HGFAC: variants seen among roughly 807,000 people sequenced by gnomAD.
The protein encoded by HGFAC is HGF activator.
A neutral mutation model predicts 70.6 loss-of-function variants in HGFAC; 76 were observed. The ratio of observed to expected loss-of-function variants is 1.08; its 90% CI spans 0.89 to 1.30. HGFAC has a LOEUF of 1.30. Ranked by LOEUF, HGFAC falls within the 50% of genes most tolerant of loss-of-function variation. HGFAC has a pLI of 0.00. For missense variants in HGFAC, 1,044 were observed against 933.7 expected (o/e 1.12, Z -1.54); for synonymous variants, 464 against 405.3 (o/e 1.14, Z -1.74).
In HGFAC at chr4:3,444,406, G is replaced by A. The variant is rs751117077; in HGVS notation, c.694G>A (p.Gly232Arg). 3.7e-6 allele frequency: 6 copies of A among 1,603,356 alleles called. No individual in the cohort carries two copies. Among genetic ancestry groups the A allele is most frequent in the African/African-American group, 2.7e-5 (2 of 74,820 alleles). The change falls in exon 6 of 14, where the codon GGG (glycine) becomes AGG (arginine). Residue 232 changes from glycine (G) to arginine (R), a missense_variant. Transcript: ENST00000382774. The stretch of plus-strand genomic sequence containing the variant: ...CCACGTGGAACAGTGCGAGTGCTTC[G>A]GGGGCCGGACCTGGTGCGAAGGCAC... ...QGHVEQCECF[G>R]GRTWCEGTRH...
At chr4:3,446,691 T>G (rs1005749183) in intron 10 of HGFAC, among the ~76,000 whole-genome samples, 28 of 152,180 alleles carry the variant, frequency 1.8e-4, no homozygotes, top group East Asian at 3.9e-4. Flanking sequence ...CCAGGGAAAC[T>G]GAGGCCCAGC....
In HGFAC at chr4:3,448,052, G is replaced by C; in HGVS notation, c.1636+17G>C. ...TGGATGAGAGTGAGTTGGGAGGGGG[G>C]CGCCCAGCGCCCCGCCAGGGTGGAC... On this transcript the variant is annotated intron_variant, in intron 12 of 13. Transcript: ENST00000382774. 6.4e-7 allele frequency: 1 copy of C among 1,553,412 alleles called. No homozygotes were observed. The highest frequency in any genetic ancestry group is 8.7e-7 in the Non-Finnish European group (1 of 1,149,492).
chr4:3,445,131 C>A, intron 8 of HGFAC, 134 bp from the exon 9 acceptor site: 2 of 1,305,238 alleles, frequency 1.5e-6, no homozygotes, highest in Non-Finnish European at 2.1e-6. Flanking sequence ...TGGGAGGCTG[C>A]CCGAGGGAGG....
At chr4:3,447,261 A>C (rs541876280) in intron 10 of HGFAC, among the ~76,000 whole-genome samples, 1 of 152,230 alleles carries the variant, frequency 6.6e-6, no homozygotes, top group Non-Finnish European at 1.5e-5. Context: ...GAGGGATGGC[A>C]CCGCACTTCA....
chr4:3,442,788 C>T lies in HGFAC; in HGVS notation c.174C>T (p.Ile58=). Residue 58 remains isoleucine (I), a synonymous_variant, in exon 2 of 14, where the codon ATC becomes ATT. Coordinates refer to ENST00000382774, the MANE Select transcript of HGFAC (RefSeq NM_001528.4). ...CAGCGACCCCTGCGATCCCCACTATCCTGGTGACCTCTGTGACCTCTGAGA... is the reference window on the plus strand; with the variant it reads ...CAGCGACCCCTGCGATCCCCACTATTCTGGTGACCTCTGTGACCTCTGAGA... The part of the protein sequence containing the change: ...NATATPAIPT[I]LVTSVTSETP... 1.3e-6 allele frequency: 2 copies of T among 1,578,204 alleles called. No homozygotes were observed. Among genetic ancestry groups the T allele is most frequent in the East Asian group, 2.3e-5 (1 of 44,430 alleles).
At chr4:3,445,637 G>A (rs1221382583) in intron 9 of HGFAC, 1 of 602,852 alleles carries the variant, frequency 1.7e-6, no homozygotes, top group Admixed American at 2.9e-5. Context: ...TCAGGGAGGT[G>A]CAGGGAGGGC....
At chr4:3,444,549 T>C (rs894554126) in intron 6 of HGFAC, 74 bp from the exon 7 acceptor site, 13 of 1,504,504 alleles carry the variant, frequency 8.6e-6, no homozygotes, top group Non-Finnish European at 1.1e-5. Flanking sequence ...GGACAAGGGG[T>C]GGACCCCGGC....
At chr4:3,446,335 C>T in intron 10 of HGFAC, 41 bp downstream of exon 10, 1 of 1,583,132 alleles carries the variant, frequency 6.3e-7, no homozygotes, top group Non-Finnish European at 8.6e-7. Flanking sequence ...CCTGAGGCCC[C>T]ACACACCATC....
Position 3,449,261 on chromosome 4 carries a change from T to C in HGFAC, c.1810T>C (p.Cys604Arg), listed in dbSNP as rs1226927880. The C allele has an allele frequency of 2.5e-6, 4 of 1,612,168 alleles. No individual in the cohort carries two copies. Among genetic ancestry groups the C allele is most frequent in the Non-Finnish European group, 3.4e-6 (4 of 1,179,596 alleles). ...GGGGGACTCAGGGGGGCCCCTGGCCTGCGAGAAGAACGGCGTGGCTTACCT... is the reference window on the plus strand; with the variant it reads ...GGGGGACTCAGGGGGGCCCCTGGCCCGCGAGAAGAACGGCGTGGCTTACCT... ...CQGDSGGPLACEKNGVAYLYG... is the reference protein window; with the variant it reads ...CQGDSGGPLAREKNGVAYLYG... Residue 604 changes from cysteine (C) to arginine (R), a missense_variant, in exon 14 of 14, where the codon TGC becomes CGC. Coordinates refer to ENST00000382774, the MANE Select transcript of HGFAC (RefSeq NM_001528.4).
intron 13 of HGFAC, among the ~76,000 whole-genome samples, 159 bp from the exon 14 acceptor site, chr4:3,449,078 C>T (rs1360427608): frequency 6.6e-6 from 1 of 152,118 alleles, no homozygotes; most frequent in East Asian, 1.9e-4. Flanking sequence ...AGTGCTGCCC[C>T]CAGGGAATGA....
At chr4:3,442,223 G>A in intron 1 of HGFAC, 105 bp downstream of exon 1, 1 of 843,892 alleles carries the variant, frequency 1.2e-6, no homozygotes, top group Admixed American at 2.9e-5. Context: ...GGGGATTTGA[G>A]GGGGCGGGGG....
chr4:3,444,214 G>T (rs1042531466), intron 5 of HGFAC, 53 bp downstream of exon 5: 9 of 1,568,102 alleles, frequency 5.7e-6, no homozygotes, highest in Non-Finnish European at 6.0e-6. Context: ...GCAAGTCCCC[G>T]GAGGATGGGA....
At position 3,443,110 on chromosome 4, in the gene HGFAC, A is replaced by T. The variant is rs760160398; in HGVS notation, c.359A>T (p.His120Leu). 1 of 1,591,126 alleles carries T rather than the reference A, an allele frequency of 6.3e-7. No homozygotes were observed. Among genetic ancestry groups the T allele is most frequent in the Non-Finnish European group, 8.5e-7 (1 of 1,174,490 alleles). Residue 120 changes from histidine to leucine, a missense_variant, in exon 3 of 14, where the codon CAT becomes CTT. Physicochemically the swap from His to Leu is moderately conservative, Grantham distance 99. Transcript: ENST00000382774. The stretch of plus-strand genomic sequence containing the variant: ...TTCCGCTACGGGGGCCGCATGCTGC[A>T]TGCCTGCACTTCGGAGGGCAGTGCA... ...FPFRYGGRMLHACTSEGSAHR... is the reference protein window; with the variant it reads ...FPFRYGGRMLLACTSEGSAHR...
chr4:3,449,318 G>A lies in HGFAC; in HGVS notation c.1867G>A (p.Gly623Arg), dbSNP rs375925462. The change falls in exon 14 of 14, where the codon GGG becomes AGG. Residue 623 changes from glycine to arginine, a missense_variant. Transcript: ENST00000382774. ...CATCATCAGCTGGGGTGACGGCTGC[G>A]GGCGGCTCCACAAGCCGGGGGTCTA... ...YGIISWGDGCGRLHKPGVYTR... is the reference protein window; with the variant it reads ...YGIISWGDGCRRLHKPGVYTR... 69 of 1,612,016 alleles carry A rather than the reference G, an allele frequency of 4.3e-5. No homozygotes were observed. Among genetic ancestry groups the A allele is most frequent in the East Asian group, 1.6e-4 (7 of 44,808 alleles).
At chr4:3,445,656 G>C (rs2109298775) in intron 9 of HGFAC, 1 of 604,558 alleles carries the variant, frequency 1.7e-6, no homozygotes, top group East Asian at 2.8e-5. Context: ...GCAGCGTGCA[G>C]GCCCCCCAGA....
upstream of HGFAC, chr4:3,441,849 G>A: frequency 1.9e-6 from 1 of 521,290 alleles, no homozygotes; most frequent in Non-Finnish European, 3.3e-6. This position sits in a 1 kb window ranked among gnomAD's most constrained non-coding sequence, Gnocchi z 6.0. Context: ...GGCAGCAGGT[G>A]TGGGGGCCAG....
Position 3,442,858 on chromosome 4 carries a change from G to A in HGFAC, c.244G>A (p.Gly82Arg). 1.3e-6 allele frequency: 2 copies of A among 1,578,468 alleles called. No individual in the cohort carries two copies. The highest frequency in any genetic ancestry group is 1.7e-6 in the Non-Finnish European group (2 of 1,165,554). Reference protein sequence around the residue: ...APEAEGPQSGGLPPPPRAVPS... With the variant: ...APEAEGPQSGRLPPPPRAVPS... ...AGAGGCAGAGGGACCCCAAAGTGGG[G>A]GGCTCCCGCCCCCGCCCAGGGCAGT... Residue 82 changes from glycine (G) to arginine (R), a missense_variant, in exon 2 of 14, where the codon GGG (glycine) becomes AGG (arginine). Gly to Arg is a moderately radical substitution (Grantham distance 125, BLOSUM62 -2). Coordinates refer to ENST00000382774, the MANE Select transcript of HGFAC (RefSeq NM_001528.4).
rs373478970 is a variant in HGFAC at position 3,444,992 on chromosome 4, C to G, written c.1015C>G (p.Arg339Gly). Residue 339 changes from arginine to glycine, a missense_variant and splice_region_variant, in exon 8 of 14, where the codon CGG becomes GGG. Coordinates refer to ENST00000382774, the MANE Select transcript of HGFAC (RefSeq NM_001528.4). ...LLGLGPHAYCRNPDNDERPWC... is the reference protein window; with the variant it reads ...LLGLGPHAYCGNPDNDERPWC... ...GGGCCTGGGCCCCCATGCCTACTGC[C>G]GGTCAGCACCACGCCGCTCCAGGCC... is the stretch of plus-strand genomic sequence containing the variant. 7 of 1,581,416 alleles carry G rather than the reference C, an allele frequency of 4.4e-6. No homozygotes were observed. The highest frequency in any genetic ancestry group is 1.2e-5 in the South Asian group (1 of 86,382).
rs750377967 is a variant in HGFAC, at chr4:3,441,979, C to A, written c.-23C>A. The stretch of plus-strand genomic sequence containing the variant: ...GCCGCTCTGCTCCCGCCTCCCACTG[C>A]CCCTCAGGCCAGCTCAGGAGCCATG... On this transcript the variant is annotated 5_prime_UTR_variant, in exon 1 of 14. Transcript: ENST00000382774. This position sits in a 1 kb window ranked among gnomAD's most constrained non-coding sequence, Gnocchi z 6.0. 1 of 1,362,330 alleles carries A rather than the reference C, an allele frequency of 7.3e-7. No homozygotes were observed. The highest frequency in any genetic ancestry group is 9.7e-7 in the Non-Finnish European group (1 of 1,031,504). The allele number at this position is 1,362,330 out of a possible 1,614,324, so 84.4% of individuals were successfully genotyped here.
Sources: allele counts gnomAD v4.1 joint callset (sites outside exome capture counted in the v4.1 genomes callset), GRCh38; gene constraint gnomAD v4.1.1; non-coding constraint Gnocchi (gnomAD v3.1); transcripts MANE v1.5; gene names NCBI Gene and HGNC (gene_info 2026-07-23, HGNC 2026-07-21).